The following RNF217 variants were observed in gnomAD, a reference collection of about 807,000 sequenced individuals.
RNF217 encodes the protein ring finger protein 217.
Under a neutral mutation model 57.8 loss-of-function variants are expected in RNF217, and 31 were observed. The observed-to-expected ratio is 0.54, with a 90% CI of 0.40 to 0.72. The LOEUF (loss-of-function observed/expected upper bound fraction) is 0.72. Ranked by LOEUF, RNF217 falls within the 30% of genes least tolerant of loss-of-function variation. RNF217 has a pLI of 0.00. For missense variants in RNF217, 696 were observed against 708.3 expected, an observed-to-expected ratio of 0.98 and a Z score of 0.20; for synonymous variants, 313 against 294.0, an observed-to-expected ratio of 1.06 and a Z score of -0.66.
intron 1 of RNF217, among the ~76,000 whole-genome samples, chr6:125,002,741 C>G (rs1039873610): frequency 7.2e-5 from 11 of 152,068 alleles, no homozygotes; most frequent in African/African-American, 2.2e-4. Flanking sequence ...AACTTCATAT[C>G]CCTTATATGG....
At chr6:124,972,160 T>C (rs1389709671) in intron 1 of RNF217, among the ~76,000 whole-genome samples, 1 of 152,230 alleles carries the variant, frequency 6.6e-6, no homozygotes, top group African/African-American at 2.4e-5. Flanking sequence ...CCATTCATTG[T>C]ACTCAGGTCA....
chr6:124,996,204 C>A (rs1784747180), intron 1 of RNF217, among the ~76,000 whole-genome samples: 1 of 152,036 alleles, frequency 6.6e-6, no homozygotes, highest in Non-Finnish European at 1.5e-5. Flanking sequence ...AAGTGTTTTG[C>A]CAGTCTGCAG....
At chr6:124,977,189 G>T (rs1425796041) in intron 1 of RNF217, among the ~76,000 whole-genome samples, 1 of 152,128 alleles carries the variant, frequency 6.6e-6, no homozygotes, top group Non-Finnish European at 1.5e-5. Context: ...TTTCTGACTA[G>T]TTGCCAGATT....
chr6:124,984,355 C>T (rs116879009), intron 1 of RNF217, among the ~76,000 whole-genome samples: 127 of 151,774 alleles, frequency 8.4e-4, no homozygotes, highest in Non-Finnish European at 1.6e-3. Flanking sequence ...GACAGCAACC[C>T]GGGCAACATA....
At chr6:124,965,645 G>A (rs1052538891) in intron 1 of RNF217, among the ~76,000 whole-genome samples, 3 of 152,116 alleles carry the variant, frequency 2.0e-5, no homozygotes, top group East Asian at 1.9e-4. Flanking sequence ...TACCGGGCAT[G>A]CTTTCACCTC....
At position 124,978,450 on chromosome 6, in the gene RNF217, G is replaced by T. The variant is rs552711921; in HGVS notation, c.882+15024G>T. ...GCCAGCAACTAGATGAGGGGAATGC[G>T]GTGGTGCCTGATAACTCAGAGATGC... On this transcript the variant is annotated intron_variant, in intron 1 of 5. Coordinates refer to ENST00000521654, the MANE Select transcript of RNF217 (RefSeq NM_001286398.3). 2.0e-5 allele frequency among the ~76,000 whole-genome samples: 3 copies of T among 151,402 alleles called. No homozygotes were observed. The East Asian group carries it at 5.8e-4, about 29-fold the overall frequency.
intron 1 of RNF217, chr6:124,971,388 T>C: frequency 4.2e-6 from 1 of 239,242 alleles, no homozygotes; most frequent in Non-Finnish European, 8.7e-6. Flanking sequence ...CATCTACTTG[T>C]AAGGAAATCA....
intron 2 of RNF217, among the ~76,000 whole-genome samples, chr6:125,050,292 G>T (rs1787259947): frequency 6.6e-6 from 1 of 151,982 alleles, no homozygotes; most frequent in East Asian, 1.9e-4. Context: ...GTTTTCTTCA[G>T]ACAAGACTAA....
At chr6:125,072,618 A>G (rs1788190962) in intron 3 of RNF217, among the ~76,000 whole-genome samples, 1 of 152,344 alleles carries the variant, frequency 6.6e-6, no homozygotes, top group African/African-American at 2.4e-5. Context: ...ATAAAATTAC[A>G]GTGAAAATTA....
chr6:124,965,588 A>G (rs1430503125), intron 1 of RNF217, among the ~76,000 whole-genome samples: 1 of 152,120 alleles, frequency 6.6e-6, no homozygotes, highest in African/African-American at 2.4e-5. Flanking sequence ...AAAGAAGAAT[A>G]TACATTATTT....
At chr6:124,994,901 G>T (rs1407420176) in intron 1 of RNF217, among the ~76,000 whole-genome samples, 1 of 152,150 alleles carries the variant, frequency 6.6e-6, no homozygotes, top group Admixed American at 6.6e-5. Context: ...ATAGTACTGA[G>T]AAAGTTGAGG....
chr6:125,053,320 A>G (rs567448), intron 2 of RNF217, among the ~76,000 whole-genome samples: 88,657 of 151,898 alleles, frequency 0.58, 26,954 homozygotes, highest in African/African-American at 0.72. Context: ...AATCAACATA[A>G]GCAGTTCCTG....
At chr6:125,064,022 CT>C (rs573105611) in intron 3 of RNF217, among the ~76,000 whole-genome samples, 7 of 152,180 alleles carry the variant, frequency 4.6e-5, no homozygotes, top group Non-Finnish European at 1.0e-4. Context: ...TTTTTTTGGT[CT>C]TTTATATCTG....
intron 1 of RNF217, among the ~76,000 whole-genome samples, chr6:124,998,940 A>G (rs538621617): frequency 2.6e-5 from 4 of 152,348 alleles, no homozygotes; most frequent in African/African-American, 9.6e-5. Flanking sequence ...GAAAAAGTAC[A>G]TGTGGAATTG....
In RNF217 at chr6:125,082,539, A is replaced by G. The variant is rs367992124; in HGVS notation, c.1556-325A>G. 85 of 1,612,626 alleles carry G rather than the reference A, an allele frequency of 5.3e-5. No individual in the cohort carries two copies. Among genetic ancestry groups the G allele is most frequent in the Non-Finnish European group, 1.1e-5 (13 of 1,179,138 alleles). On this transcript the variant is annotated intron_variant, in intron 5 of 5. Transcript: ENST00000521654. Reference sequence around the variant, plus strand: ...GCTCCACAGCCTGTGTTGTTAAGTGATATGCTATACTGCCTGAAACAAGTG... The same window carrying G: ...GCTCCACAGCCTGTGTTGTTAAGTGGTATGCTATACTGCCTGAAACAAGTG...
At chr6:125,047,683 A>C (rs1021341417) in intron 2 of RNF217, among the ~76,000 whole-genome samples, 1 of 151,966 alleles carries the variant, frequency 6.6e-6, no homozygotes, top group Non-Finnish European at 1.5e-5. Flanking sequence ...TGAAGCAGTT[A>C]AGATCCTCAG....
chr6:125,049,896 T>C (rs1215877893), intron 2 of RNF217, among the ~76,000 whole-genome samples: 1 of 151,838 alleles, frequency 6.6e-6, no homozygotes, highest in Non-Finnish European at 1.5e-5. Flanking sequence ...GTTTGAAATA[T>C]GTTGATAGTG....
intron 1 of RNF217, among the ~76,000 whole-genome samples, chr6:125,014,672 A>C (rs1785539139): frequency 1.3e-5 from 2 of 152,206 alleles, no homozygotes; most frequent in Admixed American, 6.5e-5. Context: ...CTCATGGGTT[A>C]GAGTCTTAAC....
chr6:124,995,723 A>G (rs1582685286), intron 1 of RNF217, among the ~76,000 whole-genome samples: 1 of 152,206 alleles, frequency 6.6e-6, no homozygotes, highest in South Asian at 2.1e-4. Flanking sequence ...GGAGTTCGAG[A>G]CCAGCCTGAC....
Sources: gnomAD v4.1 joint callset for allele counts (sites outside exome capture counted in the v4.1 genomes callset) on GRCh38, gnomAD v4.1.1 for gene constraint, MANE v1.5 for transcripts, NCBI Gene and HGNC (gene_info 2026-07-23, HGNC 2026-07-21) for gene names.